Variants in SCEL observed in about 807,000 individuals in gnomAD.
The protein encoded by SCEL is sciellin.
SCEL carries 113 observed loss-of-function variants against 117.6 expected under a neutral mutation model. The ratio of observed to expected loss-of-function variants is 0.96; its 90% CI spans 0.83 to 1.12. The LOEUF (loss-of-function observed/expected upper bound fraction) is 1.12, where lower values mean the gene tolerates loss of function less well. Among genes scored for constraint, SCEL ranks in the 50% most tolerant of loss-of-function variants. The pLI, the probability that SCEL is intolerant of heterozygous loss-of-function variation, is 0.00. For synonymous variants in SCEL, 270 were observed against 256.2 expected (o/e 1.05, Z -0.51); for missense variants, 785 against 810.8 (o/e 0.97, Z 0.39).
At chr13:77,616,059 A>G (rs1187539590) in intron 24 of SCEL, among the ~76,000 whole-genome samples, 1 of 150,010 alleles carries the variant, frequency 6.7e-6, no homozygotes, top group Non-Finnish European at 1.5e-5. Context: ...TGTCTGTAAA[A>G]GACAGTATTA....
chr13:77,635,816 C>T (rs2090251693), intron 29 of SCEL, among the ~76,000 whole-genome samples: 1 of 152,064 alleles, frequency 6.6e-6, no homozygotes, highest in South Asian at 2.1e-4. Flanking sequence ...ATTCTCAAAG[C>T]ATAGTCTCTG....
chr13:77,563,123 T>C (rs1352879490), intron 4 of SCEL, among the ~76,000 whole-genome samples: 1 of 152,042 alleles, frequency 6.6e-6, no homozygotes, highest in Non-Finnish European at 1.5e-5. Context: ...ATTTTCTAAA[T>C]TCCCCCCCCA....
chr13:77,549,097 A>T (rs2084156662), intron 1 of SCEL, among the ~76,000 whole-genome samples: 1 of 152,228 alleles, frequency 6.6e-6, no homozygotes, highest in Admixed American at 6.5e-5. Context: ...TTACCAGATC[A>T]TATGGTAGTT....
At chr13:77,639,654 G>T (rs1025793111) in intron 30 of SCEL, among the ~76,000 whole-genome samples, 1 of 152,088 alleles carries the variant, frequency 6.6e-6, no homozygotes, top group Non-Finnish European at 1.5e-5. Context: ...TTCTGTACCT[G>T]TTTCTTTTTT....
chr13:77,562,114 T>C lies in SCEL; in HGVS notation c.222-1717T>C, dbSNP rs570194126. Reference sequence around the variant, plus strand: ...AGGAGGCCTCCTGTGCATCAGTAGCTGTGTTAAGAGCTGCAAACAAAACAA... The same window carrying C: ...AGGAGGCCTCCTGTGCATCAGTAGCCGTGTTAAGAGCTGCAAACAAAACAA... On this transcript the variant is annotated intron_variant, in intron 4 of 32. Transcript: ENST00000349847. 2.0e-5 allele frequency among the ~76,000 whole-genome samples: 3 copies of C among 152,238 alleles called. No individual in the cohort carries two copies. The South Asian group carries it at 6.2e-4, about 32-fold the overall frequency.
At chr13:77,561,195 C>T (rs1567351408) in intron 4 of SCEL, among the ~76,000 whole-genome samples, 1 of 152,208 alleles carries the variant, frequency 6.6e-6, no homozygotes, top group South Asian at 2.1e-4. Context: ...CTCTATGTTA[C>T]TCACCTTTCT....
chr13:77,580,863 G>C (rs982725543), intron 9 of SCEL, among the ~76,000 whole-genome samples: 6 of 152,128 alleles, frequency 3.9e-5, no homozygotes, highest in African/African-American at 1.4e-4. Context: ...ATCCTTATTT[G>C]TTTTGACCTC....
intron 3 of SCEL, 30 bp from the exon 4 acceptor site, chr13:77,559,774 A>G (rs762231536): frequency 1.1e-5 from 17 of 1,601,574 alleles, no homozygotes; most frequent in Non-Finnish European, 1.1e-5. Flanking sequence ...GTAACTTTCT[A>G]TGTGACATAC....
chr13:77,553,817 C>T (rs1379313958), intron 1 of SCEL, among the ~76,000 whole-genome samples: 1 of 151,954 alleles, frequency 6.6e-6, no homozygotes, highest in East Asian at 1.9e-4. Context: ...AATATTTGAA[C>T]CTCATAATGT....
chr13:77,549,435 C>T (rs951387308), intron 1 of SCEL, among the ~76,000 whole-genome samples: 6 of 152,166 alleles, frequency 3.9e-5, no homozygotes, highest in Admixed American at 3.3e-4. Flanking sequence ...GTTTTGGTAA[C>T]GTGGTAGAAT....
At chr13:77,612,456 C>CTTTTTT (rs71102764) in intron 22 of SCEL, among the ~76,000 whole-genome samples, 33 of 93,542 alleles carry the variant, frequency 3.5e-4, no homozygotes, top group East Asian at 8.0e-4. Flanking sequence ...TTTTTCTTTT[C>CTTTTTT]TTTTTTTTTT....
At position 77,604,422 on chromosome 13, in the gene SCEL, C is replaced by T. The variant is rs749939943; in HGVS notation, c.1157+7C>T. On this transcript the variant is annotated splice_region_variant and intron_variant, in intron 19 of 32. Coordinates refer to ENST00000349847, the MANE Select transcript of SCEL (RefSeq NM_144777.3). ...CAAATAAAAATATTACGAGGTAAGA[C>T]ATTTAAAGCTCCCCCCTCCCCTTTG... is the stretch of plus-strand genomic sequence containing the variant. 5.7e-6 allele frequency: 9 copies of T among 1,571,858 alleles called. No homozygotes were observed. In the Admixed American group the frequency reaches 8.4e-5, roughly 15 times the overall value.
At chr13:77,590,749 G>A (rs1451902866) in intron 10 of SCEL, among the ~76,000 whole-genome samples, 1 of 151,986 alleles carries the variant, frequency 6.6e-6, no homozygotes, top group Admixed American at 6.6e-5. Context: ...AAATGGAAGT[G>A]TTTCCTATGT....
chr13:77,624,100 C>CTTTT lies in SCEL; in HGVS notation c.1629-3828_1629-3825dup, dbSNP rs566206052. ...TTGGCTTGTGGAAAACTTGTCTTCA[C>CTTTT]TTTTTTTTTTTTTTTTTTTTTTGAG... is the stretch of plus-strand genomic sequence containing the variant. On this transcript the variant is annotated intron_variant, in intron 27 of 32. Coordinates refer to ENST00000349847, the MANE Select transcript of SCEL (RefSeq NM_144777.3). 6.6e-5 allele frequency among the ~76,000 whole-genome samples: 8 copies of CTTTT among 120,344 alleles called. 1 individual carries two copies. Among genetic ancestry groups the CTTTT allele is most frequent in the Middle Eastern group, 4.4e-3 (1 of 228 alleles). The allele number at this position is 120,344 out of a possible 152,430, so 79.0% of individuals were successfully genotyped here. A position where few individuals can be genotyped will look rare whatever the true frequency, so the allele number is the denominator to read the frequency against.
chr13:77,574,789 G>T (rs1377400135), intron 9 of SCEL, among the ~76,000 whole-genome samples: 1 of 152,164 alleles, frequency 6.6e-6, no homozygotes, highest in African/African-American at 2.4e-5. Context: ...GACTATGATT[G>T]ATAACACTAG....
rs2086682895 is a variant in SCEL at position 77,588,410 on chromosome 13, G to A, written c.546-734G>A. Among the ~76,000 whole-genome samples, 2 of 152,140 alleles carry A rather than the reference G, an allele frequency of 1.3e-5. 1 individual carries two copies. The highest frequency in any genetic ancestry group is 4.1e-4 in the South Asian group (2 of 4,832). ...CAGGATCAGAGGGTTCTTTTACCAGGTACAGAGTTTATGTTGAGGACAAAT... is the reference window on the plus strand; with the variant it reads ...CAGGATCAGAGGGTTCTTTTACCAGATACAGAGTTTATGTTGAGGACAAAT... On this transcript the variant is annotated intron_variant, in intron 9 of 32. Coordinates refer to ENST00000349847, the MANE Select transcript of SCEL (RefSeq NM_144777.3).
chr13:77,574,852 T>C (rs974875611), intron 9 of SCEL, among the ~76,000 whole-genome samples: 3 of 152,190 alleles, frequency 2.0e-5, no homozygotes, highest in Non-Finnish European at 2.9e-5. Context: ...TACACTGGTA[T>C]TCATCTCTCC....
chr13:77,539,692 G>A (rs889961539), intron 1 of SCEL, among the ~76,000 whole-genome samples: 2 of 151,962 alleles, frequency 1.3e-5, no homozygotes, highest in East Asian at 1.9e-4. Context: ...CCACCACCAC[G>A]CCCAGCTGAT....
At chr13:77,591,790 A>G (rs918215279) in intron 11 of SCEL, among the ~76,000 whole-genome samples, 3 of 152,210 alleles carry the variant, frequency 2.0e-5, no homozygotes, top group Non-Finnish European at 4.4e-5. Flanking sequence ...GGATGTATAA[A>G]GAGGTGGAAA....
Sources: gnomAD v4.1 joint callset for allele counts (sites outside exome capture counted in the v4.1 genomes callset) on GRCh38, gnomAD v4.1.1 for gene constraint, MANE v1.5 for transcripts, NCBI Gene and HGNC (gene_info 2026-07-23, HGNC 2026-07-21) for gene names.